The following CA10 variants were observed in gnomAD, a reference collection of about 807,000 sequenced individuals.
CA10 encodes the protein carbonic anhydrase-related protein 10.
Under a neutral mutation model 44.2 loss-of-function variants are expected in CA10, and 14 were observed. The observed-to-expected ratio is 0.32, with a 90% CI of 0.21 to 0.50. The LOEUF (loss-of-function observed/expected upper bound fraction) is 0.50. Among genes scored for constraint, CA10 ranks in the 20% least tolerant of loss-of-function variants. The probability of loss-of-function intolerance (pLI) is 0.99; values close to 1 mark genes in which losing one functional copy is unlikely to be tolerated. For synonymous variants in CA10, 159 were observed against 141.6 expected (o/e 1.12, Z -0.87); for missense variants, 350 against 409.7 (o/e 0.85, Z 1.26).
chr17:51,966,846 A>G (rs1051197742), intron 2 of CA10, among the ~76,000 whole-genome samples: 2 of 151,918 alleles, frequency 1.3e-5, no homozygotes. Flanking sequence ...ACTGCAACAA[A>G]AACAAAAATT....
chr17:51,838,588 G>T (rs1427292660), intron 3 of CA10, among the ~76,000 whole-genome samples: 1 of 152,234 alleles, frequency 6.6e-6, no homozygotes, highest in Non-Finnish European at 1.5e-5. Flanking sequence ...TTGTTTCTTG[G>T]TTTCTTTGAA....
intron 3 of CA10, among the ~76,000 whole-genome samples, chr17:51,902,404 T>C (rs1040011184): frequency 1.3e-5 from 2 of 152,116 alleles, no homozygotes; most frequent in African/African-American, 4.8e-5. Flanking sequence ...TCTCAGTAAA[T>C]TTAATTTTAT....
At chr17:52,088,227 AAAAAGT>A (rs954647918) in intron 1 of CA10, among the ~76,000 whole-genome samples, 2 of 152,106 alleles carry the variant, frequency 1.3e-5, no homozygotes, top group African/African-American at 4.8e-5. Flanking sequence ...TTGAACTTAA[AAAAAGT>A]TTAAAAAAAA....
intron 2 of CA10, among the ~76,000 whole-genome samples, chr17:52,039,351 C>G: frequency 6.6e-6 from 1 of 151,542 alleles, no homozygotes; most frequent in Admixed American, 6.6e-5. Flanking sequence ...CAGCTAGAAG[C>G]TGATAGAAAA....
chr17:51,958,493 T>C (rs938131366), intron 2 of CA10, among the ~76,000 whole-genome samples: 4 of 152,114 alleles, frequency 2.6e-5, no homozygotes, highest in Non-Finnish European at 5.9e-5. Context: ...AATAAATAGC[T>C]CATAATTGTG....
At chr17:52,138,072 G>C (rs1989398290) in intron 1 of CA10, among the ~76,000 whole-genome samples, 1 of 151,996 alleles carries the variant, frequency 6.6e-6, no homozygotes, top group Non-Finnish European at 1.5e-5. Context: ...ATCTTAAGGG[G>C]CTAAAATCAA....
chr17:51,949,200 A>T (rs2144030395), intron 2 of CA10, among the ~76,000 whole-genome samples: 1 of 152,290 alleles, frequency 6.6e-6, no homozygotes, highest in Middle Eastern at 3.4e-3. Flanking sequence ...TTAAGATGCA[A>T]TTTATGTCTT....
rs570565623 is a variant in CA10 at position 51,657,876 on chromosome 17, ACCAAGT to A, written c.466-4146_466-4141del. 4.5e-3 allele frequency among the ~76,000 whole-genome samples: 686 copies of A among 152,340 alleles called. 1 individual carries two copies. The highest frequency in any genetic ancestry group is 6.0e-3 in the Non-Finnish European group (410 of 68,018). On this transcript the variant is annotated intron_variant, in intron 4 of 8. Transcript: ENST00000451037. The stretch of plus-strand genomic sequence containing the variant: ...GCTAATGATGACATGCTAATTAAAC[ACCAAGT>A]TCAAGTTCAAGAATTTAAGCTATTC...
chr17:51,820,204 A>G (rs1907717185), intron 3 of CA10, among the ~76,000 whole-genome samples: 1 of 86,018 alleles, frequency 1.2e-5, no homozygotes, highest in Non-Finnish European at 2.1e-5. Flanking sequence ...CCCCCAGGTA[A>G]TACCCCCTTC....
intron 4 of CA10, among the ~76,000 whole-genome samples, chr17:51,744,612 C>A (rs950317238): frequency 2.0e-5 from 3 of 151,382 alleles, no homozygotes; most frequent in African/African-American, 2.5e-5. Flanking sequence ...GACCCTTTCT[C>A]TCTAAATAAA....
intron 3 of CA10, among the ~76,000 whole-genome samples, chr17:51,871,048 T>C (rs867249034): frequency 4.2e-5 from 6 of 142,372 alleles, no homozygotes; most frequent in South Asian, 2.2e-4. Flanking sequence ...CTTCCCACTT[T>C]ACTTTTTTTT....
rs542748104 is a variant in CA10, at chr17:52,130,165, G to A, written c.61+27561C>T. On this transcript the variant is annotated intron_variant, in intron 1 of 8. Coordinates refer to ENST00000451037, the MANE Select transcript of CA10 (RefSeq NM_020178.5). Reference sequence around the variant, plus strand: ...AAGATGAAAGATAACAAGTGTTGGTGAGGATATGGAGAAAAGGGATCCCTT... The same window carrying A: ...AAGATGAAAGATAACAAGTGTTGGTAAGGATATGGAGAAAAGGGATCCCTT... Among the ~76,000 whole-genome samples, 167 of 152,320 alleles carry A rather than the reference G, an allele frequency of 1.1e-3. 1 individual carries two copies. Among genetic ancestry groups the A allele is most frequent in the African/African-American group, 3.6e-3 (148 of 41,574 alleles).
chr17:52,053,007 G>A (rs2143055823), intron 2 of CA10, among the ~76,000 whole-genome samples: 1 of 151,978 alleles, frequency 6.6e-6, no homozygotes, highest in Non-Finnish European at 1.5e-5. Context: ...TGGGGCCAGA[G>A]AGAAGCAGAC....
chr17:51,850,241 C>T (rs1373393165), intron 3 of CA10, among the ~76,000 whole-genome samples: 1 of 152,158 alleles, frequency 6.6e-6, no homozygotes, highest in African/African-American at 2.4e-5. Context: ...ATGTATAAAT[C>T]TGTCCTGAGT....
At chr17:51,888,523 A>T (rs947963760) in intron 3 of CA10, among the ~76,000 whole-genome samples, 3 of 152,226 alleles carry the variant, frequency 2.0e-5, no homozygotes, top group African/African-American at 7.2e-5. Flanking sequence ...TCTTCCTTCA[A>T]ATGTCAAAAT....
At chr17:51,858,915 A>T (rs1319006707) in intron 3 of CA10, among the ~76,000 whole-genome samples, 2 of 152,112 alleles carry the variant, frequency 1.3e-5, no homozygotes, top group Non-Finnish European at 2.9e-5. Flanking sequence ...CTATGGGAGC[A>T]GGTCACTTAG....
In CA10 at chr17:51,893,465, G is replaced by A. The variant is rs187370466; in HGVS notation, c.279+37525C>T. On this transcript the variant is annotated intron_variant, in intron 3 of 8. Coordinates refer to ENST00000451037, the MANE Select transcript of CA10 (RefSeq NM_020178.5). Reference sequence around the variant, plus strand: ...CTCTTTGACTTAAATACAGTGTTCAGTGTTTATGGGGATAAAAAGTAGTCA... The same window carrying A: ...CTCTTTGACTTAAATACAGTGTTCAATGTTTATGGGGATAAAAAGTAGTCA... Among the ~76,000 whole-genome samples the A allele has an allele frequency of 9.1e-4, 139 of 152,274 alleles. No homozygotes were observed. The Middle Eastern group carries it at 0.01, about 11-fold the overall frequency.
chr17:51,733,590 T>C (rs888328574), intron 4 of CA10, among the ~76,000 whole-genome samples: 17 of 152,328 alleles, frequency 1.1e-4, no homozygotes, highest in African/African-American at 4.1e-4. Context: ...GAAGCGGCAC[T>C]AGAGCTTTGT....
At position 51,800,712 on chromosome 17, in the gene CA10, A is replaced by G. The variant is rs75132591; in HGVS notation, c.280-52894T>C. Among the ~76,000 whole-genome samples, 688 of 152,316 alleles carry G rather than the reference A, an allele frequency of 4.5e-3. 4 individuals are homozygous for G. Among genetic ancestry groups the G allele is most frequent in the Non-Finnish European group, 5.0e-3 (343 of 68,024 alleles). On this transcript the variant is annotated intron_variant, in intron 3 of 8. Coordinates refer to ENST00000451037, the MANE Select transcript of CA10 (RefSeq NM_020178.5). Reference sequence around the variant, plus strand: ...TATAAGACATATCTTAATTTTGAAGATGTTAAAATATGGAAAATGTATATT... The same window carrying G: ...TATAAGACATATCTTAATTTTGAAGGTGTTAAAATATGGAAAATGTATATT...
Sources: gnomAD v4.1 joint callset for allele counts (sites outside exome capture counted in the v4.1 genomes callset) on GRCh38, gnomAD v4.1.1 for gene constraint, MANE v1.5 for transcripts, NCBI Gene and HGNC (gene_info 2026-07-23, HGNC 2026-07-21) for gene names.